PLXDC1: variants seen among roughly 807,000 people sequenced by gnomAD.
PLXDC1 encodes the protein plexin domain containing 1, also known as plexin domain-containing protein 1.
In PLXDC1, 39 loss-of-function variants were observed where a neutral mutation model predicts 61.3. The ratio of observed to expected loss-of-function variants is 0.64; its 90% confidence interval spans 0.49 to 0.83. The LOEUF is 0.83. PLXDC1 is among the 40% of genes least tolerant of loss of function. PLXDC1 has a pLI of 0.00. For missense variants in PLXDC1, 596 were observed against 666.5 expected (o/e 0.89, Z 1.17); for synonymous variants, 212 against 254.5 (o/e 0.83, Z 1.59).
chr17:39,087,768 C>A, intron 7 of PLXDC1, 66 bp from the exon 8 acceptor site: 1 of 1,163,226 alleles, frequency 8.6e-7, no homozygotes, highest in African/African-American at 1.5e-5. Context: ...GGCCTCTTCC[C>A]GGACAGTCTG....
chr17:39,151,329 C>G lies in PLXDC1; in HGVS notation c.76+33G>C. The G allele has an allele frequency of 7.9e-7, 1 of 1,265,082 alleles. No individual in the cohort carries two copies. Among genetic ancestry groups the G allele is most frequent in the Non-Finnish European group, 1.0e-6 (1 of 1,004,116 alleles). The allele number at this position is 1,265,082 out of a possible 1,614,324, so 78.4% of individuals were successfully genotyped here. On this transcript the variant is annotated intron_variant, in intron 1 of 13. Coordinates refer to ENST00000315392, the MANE Select transcript of PLXDC1 (RefSeq NM_020405.5). This position sits in a 1 kb window ranked among gnomAD's most constrained non-coding sequence, Gnocchi z 5.2. ...CTGACTGCCCGTCCCTCCCCGCCCC[C>G]GGCCCACCCGGGCCGGCTCCCGCCA... is the stretch of plus-strand genomic sequence containing the variant.
At chr17:39,129,510 G>C (rs1911463749) in intron 2 of PLXDC1, among the ~76,000 whole-genome samples, 1 of 151,472 alleles carries the variant, frequency 6.6e-6, no homozygotes, top group Non-Finnish European at 1.5e-5. Flanking sequence ...CCAGCTACTT[G>C]GGAGGCTTAG....
intron 4 of PLXDC1, 107 bp from the exon 5 acceptor site, chr17:39,108,352 G>A (rs895363359): frequency 1.7e-5 from 21 of 1,220,920 alleles, no homozygotes; most frequent in Non-Finnish European, 2.5e-5. Flanking sequence ...AGCTGGAAGT[G>A]AGCCTGAGAC....
At chr17:39,117,328 C>CCTA (rs1341621210) in intron 2 of PLXDC1, among the ~76,000 whole-genome samples, 3 of 152,162 alleles carry the variant, frequency 2.0e-5, no homozygotes, top group Non-Finnish European at 4.4e-5. Flanking sequence ...CCACCTAAAC[C>CCTA]AAACACCAGC....
Position 39,108,982 on chromosome 17 carries a change from G to GA in PLXDC1, c.400-10dup. The GA allele has an allele frequency of 6.2e-7, 1 of 1,608,644 alleles. No individual in the cohort carries two copies. Among genetic ancestry groups the GA allele is most frequent in the South Asian group, 1.1e-5 (1 of 90,768 alleles). ...AAGGACAAGACCACTCTCTGCAGGGGATGGGAGAAAGTCAGCACGGGCCAA... is the reference window on the plus strand; with the variant it reads ...AAGGACAAGACCACTCTCTGCAGGGGAATGGGAGAAAGTCAGCACGGGCCAA... On this transcript the variant is annotated splice_polypyrimidine_tract_variant and intron_variant, in intron 3 of 13. Transcript: ENST00000315392.
intron 2 of PLXDC1, among the ~76,000 whole-genome samples, chr17:39,115,801 T>A (rs1910947526): frequency 6.6e-6 from 1 of 152,010 alleles, no homozygotes. Flanking sequence ...ATTTTCTCAG[T>A]GGGGAAACTG....
At chr17:39,146,948 A>ATTTTTTTTTTTTTTTTTTTTT (rs869300584) in intron 1 of PLXDC1, among the ~76,000 whole-genome samples, 1 of 74,686 alleles carries the variant, frequency 1.3e-5, no homozygotes, top group African/African-American at 5.2e-5. Flanking sequence ...ACAGGAAATG[A>ATTTTTTTTTTTTTTTTTTTTT]TTTTTTTTTT....
intron 13 of PLXDC1, among the ~76,000 whole-genome samples, chr17:39,068,916 C>T (rs890274334): frequency 2.6e-5 from 4 of 152,152 alleles, no homozygotes; most frequent in Non-Finnish European, 4.4e-5. Context: ...GTGGGGAACT[C>T]GTAAGAAGCC....
intron 5 of PLXDC1, 46 bp downstream of exon 5, chr17:39,108,077 G>A (rs1910659742): frequency 1.2e-6 from 2 of 1,612,944 alleles, no homozygotes; most frequent in South Asian, 1.1e-5. Context: ...GACTGGACAA[G>A]GGATCCCTGG....
In PLXDC1 at chr17:39,109,203, G is replaced by A. The variant is rs3025158; in HGVS notation, c.399+45C>T. On this transcript the variant is annotated intron_variant, in intron 3 of 13. Transcript: ENST00000315392. Reference sequence around the variant, plus strand: ...GACCAGGCAGGGTGGTTTGGCCCCCGGCCTCCCAGCACAGGGAAGCATGGC... The same window carrying A: ...GACCAGGCAGGGTGGTTTGGCCCCCAGCCTCCCAGCACAGGGAAGCATGGC... 798 of 1,576,474 alleles carry A rather than the reference G, an allele frequency of 5.1e-4. 8 individuals are homozygous for A. In the South Asian group the frequency reaches 8.6e-3, roughly 17 times the overall value.
chr17:39,134,260 AAAAAG>A (rs1435301206), intron 2 of PLXDC1, among the ~76,000 whole-genome samples: 2 of 151,848 alleles, frequency 1.3e-5, no homozygotes, highest in African/African-American at 2.4e-5. Context: ...TCTCAAAAAA[AAAAAG>A]AAAAGAAAAG....
At chr17:39,104,118 G>A (rs1177779219) in intron 7 of PLXDC1, among the ~76,000 whole-genome samples, 1 of 152,182 alleles carries the variant, frequency 6.6e-6, no homozygotes. Flanking sequence ...AAAGTCTACT[G>A]TAGTGAGATA....
Position 39,063,315 on chromosome 17 carries a change from CTT to C in PLXDC1, c.*4523_*4524del. The C allele has an allele frequency of 1.7e-6, 1 of 579,782 alleles. No homozygotes were observed. The highest frequency in any genetic ancestry group is 2.2e-5 in the South Asian group (1 of 46,242). 35.9% of individuals were successfully genotyped at this position (579,782 alleles called of 1,614,324 possible). A position where few individuals can be genotyped will look rare whatever the true frequency, so the allele number is the denominator to read the frequency against. ...GCATCCAGAAATGTGACAGCATAGA[CTT>C]TCTCAGATTTATTGTATGTCCTCAG... On this transcript the variant is annotated 3_prime_UTR_variant, in exon 14 of 14. Transcript: ENST00000315392.
At chr17:39,091,950 C>T (rs1466954759) in intron 7 of PLXDC1, among the ~76,000 whole-genome samples, 9 of 91,988 alleles carry the variant, frequency 9.8e-5, no homozygotes, top group Admixed American at 8.1e-4. Flanking sequence ...CAGAGTGAGA[C>T]TCTATCTCAA....
At chr17:39,087,123 G>A (rs912872299) in intron 8 of PLXDC1, among the ~76,000 whole-genome samples, 2 of 152,202 alleles carry the variant, frequency 1.3e-5, no homozygotes, top group African/African-American at 4.8e-5. Context: ...GGGGTGCAGA[G>A]GGCCAGGGTC....
At chr17:39,075,721 TC>T (rs774504805) in intron 11 of PLXDC1, among the ~76,000 whole-genome samples, 3 of 152,108 alleles carry the variant, frequency 2.0e-5, no homozygotes, top group Non-Finnish European at 4.4e-5. Context: ...CTCCACAACC[TC>T]CCCCCAGCCA....
At chr17:39,114,271 T>G (rs901984108) in intron 2 of PLXDC1, among the ~76,000 whole-genome samples, 1 of 152,112 alleles carries the variant, frequency 6.6e-6, no homozygotes, top group Non-Finnish European at 1.5e-5. Context: ...CCTCCTCCTC[T>G]CCCCTGCTCT....
intron 2 of PLXDC1, among the ~76,000 whole-genome samples, chr17:39,138,948 A>G (rs62074965): frequency 0.023 from 3,523 of 152,200 alleles, 54 homozygotes; most frequent in South Asian, 0.041. Context: ...AGACAGGTAC[A>G]CATACATAAT....
intron 2 of PLXDC1, among the ~76,000 whole-genome samples, chr17:39,121,671 CCTT>C (rs1381891730): frequency 6.6e-6 from 1 of 152,214 alleles, no homozygotes; most frequent in Non-Finnish European, 1.5e-5. Context: ...ACCACTCTCT[CCTT>C]CTTCCTTGAG....
Sources: gnomAD v4.1 joint callset for allele counts (sites outside exome capture counted in the v4.1 genomes callset) on GRCh38, gnomAD v4.1.1 for gene constraint, Gnocchi (gnomAD v3.1) non-coding constraint, MANE v1.5 for transcripts, NCBI Gene and HGNC (gene_info 2026-07-23, HGNC 2026-07-21) for gene names.